The following FOXP2 variants were observed in gnomAD, a reference collection of about 807,000 sequenced individuals.
FOXP2 encodes forkhead box protein P2.
FOXP2 carries 12 observed loss-of-function variants against 115.8 expected under a neutral mutation model. The observed-to-expected ratio is 0.10, with a 90% CI of 0.07 to 0.17. FOXP2 has a LOEUF of 0.17. Ranked by LOEUF, FOXP2 falls within the 10% of genes least tolerant of loss-of-function variation. The probability of loss-of-function intolerance (pLI) is 1.00; values close to 1 mark genes in which losing one functional copy is unlikely to be tolerated. For synonymous variants in FOXP2, 328 were observed against 297.7 expected, an observed-to-expected ratio of 1.10 and a Z score of -1.05; for missense variants, 629 against 843.5, an observed-to-expected ratio of 0.75 and a Z score of 3.15.
At position 114,470,863 on chromosome 7, in the gene FOXP2, G is replaced by T. The variant is rs917056805; in HGVS notation, c.168+44184G>T. Reference sequence around the variant, plus strand: ...GGGAAGGGGGAGAGCATTTCCCTTTGTGTTCTTGTTTTCCTTAAACTGGAC... The same window carrying T: ...GGGAAGGGGGAGAGCATTTCCCTTTTTGTTCTTGTTTTCCTTAAACTGGAC... On this transcript the variant is annotated intron_variant, in intron 2 of 16. Coordinates refer to ENST00000350908, the MANE Select transcript of FOXP2 (RefSeq NM_014491.4). Among the ~76,000 whole-genome samples the T allele has an allele frequency of 1.1e-4, 17 of 151,818 alleles. 1 individual carries two copies. The highest frequency in any genetic ancestry group is 6.8e-3 in the Middle Eastern group (2 of 294).
chr7:114,217,011 T>C (rs1794502266), intron 1 of FOXP2, among the ~76,000 whole-genome samples: 1 of 152,224 alleles, frequency 6.6e-6, no homozygotes, highest in Non-Finnish European at 1.5e-5. Flanking sequence ...ACTACATTCA[T>C]GATTATGGTT....
intron 1 of FOXP2, among the ~76,000 whole-genome samples, chr7:114,419,038 T>C (rs982183331): frequency 1.3e-5 from 2 of 151,974 alleles, no homozygotes; most frequent in Admixed American, 6.6e-5. Flanking sequence ...ATCAACTGGC[T>C]ATATTTTTCC....
At chr7:114,168,580 T>C (rs2129152316) in intron 1 of FOXP2, among the ~76,000 whole-genome samples, 1 of 152,246 alleles carries the variant, frequency 6.6e-6, no homozygotes, top group South Asian at 2.1e-4. Flanking sequence ...TTCAATTTCA[T>C]GAGGGAAGCA....
chr7:114,221,737 T>C (rs1465721936), intron 1 of FOXP2, among the ~76,000 whole-genome samples: 1 of 152,216 alleles, frequency 6.6e-6, no homozygotes, highest in South Asian at 2.1e-4. Flanking sequence ...GCATAATTTG[T>C]GTGCATGATA....
intron 7 of FOXP2, among the ~76,000 whole-genome samples, 189 bp downstream of exon 7, chr7:114,642,812 A>ATATATATATATATATTT (rs1308357594): frequency 1.4e-5 from 1 of 72,434 alleles, no homozygotes; most frequent in African/African-American, 7.1e-5. Flanking sequence ...ATATATATAT[A>ATATATATATATATATTT]TTTTTTTTTT....
At chr7:114,637,684 T>C (rs1805299024) in intron 6 of FOXP2, among the ~76,000 whole-genome samples, 1 of 152,060 alleles carries the variant, frequency 6.6e-6, no homozygotes, top group African/African-American at 2.4e-5. Context: ...AAGTAAAATA[T>C]ATAGTGGTGA....
At chr7:114,652,082 G>A in intron 8 of FOXP2, 121 bp from the exon 9 acceptor site, 3 of 862,202 alleles carry the variant, frequency 3.5e-6, no homozygotes, top group Non-Finnish European at 5.8e-6. Flanking sequence ...ATGGTTTCAA[G>A]GCTTTCTGTT....
At chr7:114,414,670 T>C, upstream of FOXP2, 1 of 170,956 alleles carries the variant, frequency 5.8e-6, no homozygotes, top group East Asian at 1.6e-4. Context: ...TCTGATGTTG[T>C]GGCTGTGAAA....
At chr7:114,262,487 C>G (rs1795780848) in intron 1 of FOXP2, among the ~76,000 whole-genome samples, 1 of 151,896 alleles carries the variant, frequency 6.6e-6, no homozygotes, top group Non-Finnish European at 1.5e-5. Context: ...CTCAGTATAC[C>G]CAGGTAACAA....
intron 3 of FOXP2, among the ~76,000 whole-genome samples, chr7:114,616,440 G>T (rs191571775): frequency 7.5e-4 from 114 of 152,262 alleles, no homozygotes; most frequent in African/African-American, 2.7e-3. Flanking sequence ...TGGGATTACA[G>T]ATGTGAGCCA....
At chr7:114,311,751 C>T (rs1282734664) in intron 2 of FOXP2, among the ~76,000 whole-genome samples, 3 of 152,108 alleles carry the variant, frequency 2.0e-5, no homozygotes, top group African/African-American at 7.2e-5. Context: ...GGGAAGGAAA[C>T]TGAATTGTAG....
At chr7:114,333,453 A>G (rs1258529193) in intron 2 of FOXP2, among the ~76,000 whole-genome samples, 2 of 152,240 alleles carry the variant, frequency 1.3e-5, no homozygotes, top group South Asian at 2.1e-4. Context: ...TCAAAAAATA[A>G]GCAGCCACAT....
At chr7:114,345,080 T>A (rs1321138861) in intron 2 of FOXP2, among the ~76,000 whole-genome samples, 1 of 151,790 alleles carries the variant, frequency 6.6e-6, no homozygotes, top group Non-Finnish European at 1.5e-5. Flanking sequence ...ATAAAACAAT[T>A]TTTTTATTTC....
At chr7:114,575,634 C>A (rs1432001732) in intron 3 of FOXP2, among the ~76,000 whole-genome samples, 1 of 151,810 alleles carries the variant, frequency 6.6e-6, no homozygotes, top group Non-Finnish European at 1.5e-5. Flanking sequence ...GCCTGGCAGC[C>A]AAGAAGAATC....
At chr7:114,292,553 A>G (rs562628345) in intron 2 of FOXP2, among the ~76,000 whole-genome samples, 137 of 152,188 alleles carry the variant, frequency 9.0e-4, no homozygotes, top group African/African-American at 3.2e-3. Context: ...TCTTGCCTAC[A>G]TCTTTGTCAA....
chr7:114,534,449 A>G (rs2129277184), intron 2 of FOXP2, among the ~76,000 whole-genome samples, 168 bp from the exon 3 acceptor site: 1 of 151,944 alleles, frequency 6.6e-6, no homozygotes, highest in South Asian at 2.1e-4. Flanking sequence ...AAAGTTATAT[A>G]TGTGTGTTTG....
At chr7:114,678,068 G>A (rs573035168) in intron 16 of FOXP2, among the ~76,000 whole-genome samples, 38 of 152,248 alleles carry the variant, frequency 2.5e-4, no homozygotes, top group African/African-American at 8.7e-4. Flanking sequence ...ATGCACGTGG[G>A]GAATCGGAAA....
At chr7:114,350,245 G>C (rs780348972) in intron 2 of FOXP2, among the ~76,000 whole-genome samples, 9 of 151,964 alleles carry the variant, frequency 5.9e-5, no homozygotes, top group Non-Finnish European at 8.8e-5. Context: ...CCATCATCTA[G>C]GTTTTAAGTC....
intron 2 of FOXP2, among the ~76,000 whole-genome samples, chr7:114,474,054 C>T (rs373677429): frequency 1.3e-5 from 2 of 152,156 alleles, no homozygotes; most frequent in African/African-American, 4.8e-5. Flanking sequence ...TAAACTTTCT[C>T]TCTAATTCAT....
Sources: gnomAD v4.1 joint callset for allele counts (sites outside exome capture counted in the v4.1 genomes callset) on GRCh38, gnomAD v4.1.1 for gene constraint, MANE v1.5 for transcripts, NCBI Gene and HGNC (gene_info 2026-07-23, HGNC 2026-07-21) for gene names.